Variants in HIRA observed in about 807,000 individuals in gnomAD.
HIRA encodes the protein histone cell cycle regulator.
Under a neutral mutation model 126.6 loss-of-function variants are expected in HIRA, and 13 were observed. The ratio of observed to expected loss-of-function variants is 0.10; its 90% CI spans 0.07 to 0.16. The LOEUF is 0.16. HIRA is among the 10% of genes least tolerant of loss of function. HIRA has a pLI of 1.00. For synonymous variants in HIRA, 511 were observed against 520.0 expected, an observed-to-expected ratio of 0.98 and a Z score of 0.24; for missense variants, 834 against 1,314.4, an observed-to-expected ratio of 0.63 and a Z score of 5.65.
In HIRA at chr22:19,387,908, T is replaced by C; in HGVS notation, c.1008-92A>G. 7.4e-6 allele frequency: 5 copies of C among 673,306 alleles called. No individual in the cohort carries two copies. The East Asian group carries it at 1.9e-4, about 25-fold the overall frequency. The allele number at this position is 673,306 out of a possible 1,614,324, so 41.7% of individuals were successfully genotyped here. A position where few individuals can be genotyped will look rare whatever the true frequency, so the allele number is the denominator to read the frequency against. On this transcript the variant is annotated intron_variant, in intron 10 of 24. Transcript: ENST00000263208. ...TGGCCTGTGAGGATGGTGGGCAGTG[T>C]TCTAGGGAGATGCTGGAAACTCCTG...
At chr22:19,384,322 C>CAAAAAA (rs71317140) in intron 12 of HIRA, among the ~76,000 whole-genome samples, 1 of 66,812 alleles carries the variant, frequency 1.5e-5, no homozygotes, top group Non-Finnish European at 2.7e-5. Context: ...GACTCCATCT[C>CAAAAAA]AAAAAAAAAA....
In HIRA at chr22:19,383,678, G is replaced by A. The variant is rs768457786; in HGVS notation, c.1357C>T (p.Arg453Trp). 7 of 1,614,138 alleles carry A rather than the reference G, an allele frequency of 4.3e-6. No homozygotes were observed. Among genetic ancestry groups the A allele is most frequent in the Admixed American group, 3.3e-5 (2 of 60,034 alleles). Residue 453 changes from arginine (R) to tryptophan (W), a missense_variant, in exon 13 of 25, where the codon CGG (arginine) becomes TGG (tryptophan). Arg to Trp is a moderately radical substitution (Grantham distance 101). This residue lies in a region of HIRA where 153 missense variants were observed against 270.6 expected (regional missense o/e 0.57). Transcript: ENST00000263208. ...KNLLKKQVET[R>W]TADGRRRITP... The stretch of plus-strand genomic sequence containing the variant: ...ATTCTTCTCCGGCCATCTGCTGTCC[G>A]AGTCTCAACTTGTTTCTTCAAAAGA...
At chr22:19,342,330 GGA>G (rs1307287195) in intron 24 of HIRA, among the ~76,000 whole-genome samples, 1 of 152,146 alleles carries the variant, frequency 6.6e-6, no homozygotes, top group Non-Finnish European at 1.5e-5. Context: ...TGGTGAAAAG[GGA>G]ACACTTTTAC....
Position 19,396,814 on chromosome 22 carries a change from C to T in HIRA, c.627G>A (p.Glu209=). ...CATCAAAAGGCTTGGTGATGCTGGT[C>T]TCCAACTGCCAGTCCAGCGTCCTCC... ...KVWRTLDWQL[E]TSITKPFDEC... The change falls in exon 7 of 25, where the codon GAG becomes GAA. Residue 209 remains glutamate (E), a synonymous_variant. Coordinates refer to ENST00000263208, the MANE Select transcript of HIRA (RefSeq NM_003325.4). 6.2e-7 allele frequency: 1 copy of T among 1,614,196 alleles called. No homozygotes were observed. Among genetic ancestry groups the T allele is most frequent in the Non-Finnish European group, 8.5e-7 (1 of 1,180,026 alleles).
intron 8 of HIRA, among the ~76,000 whole-genome samples, chr22:19,393,547 G>A (rs369031072): frequency 4.6e-5 from 7 of 152,088 alleles, no homozygotes; most frequent in East Asian, 3.9e-4. Context: ...CAGTAGAGAC[G>A]GGGTTTCATC....
intron 1 of HIRA, among the ~76,000 whole-genome samples, chr22:19,422,169 T>TACACACACACACACACACAC (rs762601560): frequency 3.1e-4 from 35 of 111,622 alleles, no homozygotes; most frequent in East Asian, 4.9e-4. Context: ...TGTGTTTATA[T>TACACACACACACACACACAC]ATACACACAC....
chr22:19,334,745 G>A (rs897652580), intron 24 of HIRA, among the ~76,000 whole-genome samples: 11 of 152,028 alleles, frequency 7.2e-5, no homozygotes, highest in African/African-American at 2.7e-4. Context: ...AAGCCATTGT[G>A]TTATTACATG....
intron 8 of HIRA, among the ~76,000 whole-genome samples, chr22:19,393,389 G>A (rs540626668): frequency 6.1e-4 from 93 of 151,864 alleles, no homozygotes; most frequent in African/African-American, 2.1e-3. Context: ...ACGGAGTCTC[G>A]CTCTGTCGCC....
rs774490830 is a variant in HIRA at position 19,361,253 on chromosome 22, C to G, written c.2069G>C (p.Arg690Thr). ...ALKLPIPSPQ[R>T]AFTLQVSSDP... ...AGAACTTACCTGGAGGGTGAATGCT[C>G]TCTGGGGGCTTGGAATTGGCAGCTT... Residue 690 changes from arginine to threonine, a missense_variant, in exon 17 of 25, where the codon AGA (arginine) becomes ACA (threonine). Arg to Thr is a moderately conservative substitution (Grantham distance 71). Around this residue, in one of 5 missense-constraint regions of HIRA, gnomAD observed 468 missense variants for 574.2 expected, o/e 0.82. Coordinates refer to ENST00000263208, the MANE Select transcript of HIRA (RefSeq NM_003325.4). 125 of 1,614,044 alleles carry G rather than the reference C, an allele frequency of 7.7e-5. No individual in the cohort carries two copies. The highest frequency in any genetic ancestry group is 9.9e-5 in the Non-Finnish European group (117 of 1,180,012).
intron 1 of HIRA, among the ~76,000 whole-genome samples, chr22:19,418,832 T>C (rs1261253068): frequency 6.6e-6 from 1 of 151,988 alleles, no homozygotes; most frequent in Non-Finnish European, 1.5e-5. Flanking sequence ...TTGCAAAATG[T>C]TAACATTGGG....
chr22:19,342,248 A>G (rs1038735510), intron 24 of HIRA, among the ~76,000 whole-genome samples: 3 of 152,208 alleles, frequency 2.0e-5, no homozygotes, highest in Admixed American at 1.3e-4. Flanking sequence ...CAAAACCACA[A>G]TGACATACCA....
intron 5 of HIRA, among the ~76,000 whole-genome samples, chr22:19,404,943 G>A (rs1458984295): frequency 6.6e-6 from 1 of 152,108 alleles, no homozygotes; most frequent in Non-Finnish European, 1.5e-5. Flanking sequence ...CTAAACGACT[G>A]GAAGAACCTC....
At chr22:19,368,429 A>T (rs542522492) in intron 15 of HIRA, among the ~76,000 whole-genome samples, 44 of 147,956 alleles carry the variant, frequency 3.0e-4, no homozygotes, top group South Asian at 3.0e-3. Flanking sequence ...TCCTTTAAAA[A>T]TTTTTTTTTT....
intron 22 of HIRA, 112 bp downstream of exon 22, chr22:19,353,884 C>T: frequency 7.4e-7 from 1 of 1,353,298 alleles, no homozygotes; most frequent in Non-Finnish European, 1.0e-6. Context: ...ACCTGGGGCA[C>T]AGGGGAAGGG....
At chr22:19,382,421 C>T (rs1435654706) in intron 13 of HIRA, among the ~76,000 whole-genome samples, 1 of 152,176 alleles carries the variant, frequency 6.6e-6, no homozygotes, top group Admixed American at 6.5e-5. Context: ...GGCATTACCC[C>T]CTACAGGGTC....
At chr22:19,342,512 G>A (rs1313882275) in intron 24 of HIRA, among the ~76,000 whole-genome samples, 1 of 152,132 alleles carries the variant, frequency 6.6e-6, no homozygotes, top group Non-Finnish European at 1.5e-5. Flanking sequence ...TCAGCCTCCT[G>A]AGTAGCTGGG....
At chr22:19,367,184 T>C (rs1050754638) in intron 15 of HIRA, among the ~76,000 whole-genome samples, 1 of 152,210 alleles carries the variant, frequency 6.6e-6, no homozygotes, top group South Asian at 2.1e-4. Context: ...TACAACTGTA[T>C]GTCGGGCTTT....
intron 6 of HIRA, 32 bp from the exon 7 acceptor site, chr22:19,396,979 T>C: frequency 6.2e-7 from 1 of 1,607,296 alleles, no homozygotes; most frequent in South Asian, 1.1e-5. Flanking sequence ...GGAGAGGTGT[T>C]GTCTGAGGGA....
Position 19,365,008 on chromosome 22 carries a change from G to A in HIRA, c.1776-3077C>T, listed in dbSNP as rs531276479. ...AATATGGAGAAAGTTTTAGTGCTCT[G>A]GATAGAAGATCAAACCAGCCACAAC... On this transcript the variant is annotated intron_variant, in intron 15 of 24. Coordinates refer to ENST00000263208, the MANE Select transcript of HIRA (RefSeq NM_003325.4). Among the ~76,000 whole-genome samples the A allele has an allele frequency of 7.9e-5, 12 of 152,312 alleles. No homozygotes were observed. The South Asian group carries it at 2.5e-3, about 32-fold the overall frequency.
Sources: gnomAD v4.1 joint callset for allele counts (sites outside exome capture counted in the v4.1 genomes callset) on GRCh38, gnomAD v4.1.1 for gene constraint, gnomAD v4.1.1 regional missense constraint, MANE v1.5 for transcripts, NCBI Gene and HGNC (gene_info 2026-07-23, HGNC 2026-07-21) for gene names.